The following LRRC4C variants were observed in gnomAD, a reference collection of about 807,000 sequenced individuals.
LRRC4C encodes the protein leucine rich repeat containing 4C, also known as leucine-rich repeat-containing protein 4C.
In LRRC4C, 5 loss-of-function variants were observed where a neutral mutation model predicts 33.6. The ratio of observed to expected loss-of-function variants is 0.15; its 90% CI spans 0.08 to 0.31. The LOEUF is 0.31. Among genes scored for constraint, LRRC4C ranks in the 10% least tolerant of loss-of-function variants. The pLI is 1.00. For missense variants in LRRC4C, 560 were observed against 796.7 expected (o/e 0.70, Z 3.58); for synonymous variants, 329 against 302.0 (o/e 1.09, Z -0.93).
intron 1 of LRRC4C, among the ~76,000 whole-genome samples, chr11:41,317,125 T>A (rs1950819385): frequency 6.6e-6 from 1 of 152,252 alleles, no homozygotes; most frequent in Non-Finnish European, 1.5e-5. Flanking sequence ...CACTGGTTTC[T>A]GTATTAAATT....
At chr11:41,436,913 A>G (rs1955447795) in intron 1 of LRRC4C, among the ~76,000 whole-genome samples, 1 of 152,236 alleles carries the variant, frequency 6.6e-6, no homozygotes, top group Non-Finnish European at 1.5e-5. Context: ...TATTTTTCCT[A>G]CAATGGGTTT....
chr11:41,318,427 G>T (rs768133890), intron 1 of LRRC4C, among the ~76,000 whole-genome samples: 2 of 152,128 alleles, frequency 1.3e-5, no homozygotes, highest in Non-Finnish European at 2.9e-5. Flanking sequence ...GACTTAATTA[G>T]CAGAGATTCC....
chr11:41,127,255 G>GTT (rs35456009), intron 1 of LRRC4C, among the ~76,000 whole-genome samples: 1 of 143,688 alleles, frequency 7.0e-6, no homozygotes, highest in Non-Finnish European at 1.5e-5. Context: ...AAAGACTAGA[G>GTT]TTTTTTTTTT....
At chr11:40,803,177 A>C (rs1466505951) in intron 2 of LRRC4C, among the ~76,000 whole-genome samples, 2 of 152,212 alleles carry the variant, frequency 1.3e-5, no homozygotes, top group African/African-American at 4.8e-5. Context: ...CAGGCTACAT[A>C]TATTAACATA....
chr11:40,786,778 A>C (rs1591717756), intron 2 of LRRC4C, among the ~76,000 whole-genome samples: 1 of 152,132 alleles, frequency 6.6e-6, no homozygotes, highest in Non-Finnish European at 1.5e-5. Flanking sequence ...AAATAGACAC[A>C]CGAGCCAACA....
At chr11:40,488,124 G>C (rs1448723541) in intron 3 of LRRC4C, among the ~76,000 whole-genome samples, 1 of 151,996 alleles carries the variant, frequency 6.6e-6, no homozygotes, top group African/African-American at 2.4e-5. Flanking sequence ...CATGACCAGG[G>C]AGCTGCAAGA....
chr11:41,158,561 G>C (rs1280658895), intron 1 of LRRC4C, among the ~76,000 whole-genome samples: 4 of 152,066 alleles, frequency 2.6e-5, no homozygotes, highest in Non-Finnish European at 5.9e-5. Context: ...AGGAAGAAAA[G>C]GCAACATACC....
At chr11:41,224,483 A>G (rs1269541868) in intron 1 of LRRC4C, among the ~76,000 whole-genome samples, 1 of 152,168 alleles carries the variant, frequency 6.6e-6, no homozygotes, top group Non-Finnish European at 1.5e-5. Flanking sequence ...TATAGAGAGT[A>G]TATTTATCAA....
chr11:41,178,343 C>T (rs183648361), intron 1 of LRRC4C, among the ~76,000 whole-genome samples: 3 of 152,122 alleles, frequency 2.0e-5, no homozygotes, highest in African/African-American at 7.2e-5. Context: ...GGGATTTATG[C>T]CACACTTTCT....
In LRRC4C at chr11:40,247,713, T is replaced by C. The variant is rs1213994719; in HGVS notation, c.-175-6115A>G. Among the ~76,000 whole-genome samples, 3 of 152,148 alleles carry C rather than the reference T, an allele frequency of 2.0e-5. No individual in the cohort carries two copies. In the East Asian group the frequency reaches 5.8e-4, roughly 29 times the overall value. On this transcript the variant is annotated intron_variant, in intron 4 of 6. Coordinates refer to ENST00000528697, the MANE Select transcript of LRRC4C (RefSeq NM_001258419.2). ...TTTCTGTCTCTGAGGTCTTTGAAGG[T>C]CTTGATATTCTCCGTTGTCCAGATA... is the stretch of plus-strand genomic sequence containing the variant.
intron 1 of LRRC4C, among the ~76,000 whole-genome samples, chr11:40,999,540 G>T (rs1338524674): frequency 1.3e-5 from 2 of 151,996 alleles, no homozygotes; most frequent in Non-Finnish European, 2.9e-5. Context: ...TAAAACATGG[G>T]CTCTGATTCA....
chr11:41,359,338 A>G (rs1952268176), intron 1 of LRRC4C, among the ~76,000 whole-genome samples: 1 of 152,096 alleles, frequency 6.6e-6, no homozygotes, highest in Non-Finnish European at 1.5e-5. Flanking sequence ...AATATAAACT[A>G]TGCGCTTTAG....
At chr11:41,379,894 T>C (rs888342473) in intron 1 of LRRC4C, among the ~76,000 whole-genome samples, 2 of 152,108 alleles carry the variant, frequency 1.3e-5, no homozygotes, top group East Asian at 3.9e-4. Flanking sequence ...TGGGTTTCCT[T>C]ACTTCCAACA....
chr11:41,146,868 A>T (rs913796189), intron 1 of LRRC4C, among the ~76,000 whole-genome samples: 13 of 152,184 alleles, frequency 8.5e-5, no homozygotes, highest in African/African-American at 1.7e-4. Context: ...CCAAAAGACA[A>T]CTCCACTGAA....
chr11:40,809,287 A>G (rs923313942), intron 2 of LRRC4C, among the ~76,000 whole-genome samples: 1 of 152,224 alleles, frequency 6.6e-6, no homozygotes, highest in Non-Finnish European at 1.5e-5. Flanking sequence ...AGAGATAAGC[A>G]TCTGACACGT....
At chr11:40,656,105 C>G (rs1439775849) in intron 2 of LRRC4C, among the ~76,000 whole-genome samples, 2 of 152,064 alleles carry the variant, frequency 1.3e-5, no homozygotes, top group South Asian at 4.1e-4. Context: ...GGACACAGAG[C>G]CAAACCATAT....
At chr11:40,350,722 G>T (rs1947345064) in intron 3 of LRRC4C, among the ~76,000 whole-genome samples, 1 of 152,060 alleles carries the variant, frequency 6.6e-6, no homozygotes, top group African/African-American at 2.4e-5. Context: ...CTCAATCCAT[G>T]AACATGAAAT....
chr11:40,576,705 T>C (rs534090466), intron 3 of LRRC4C, among the ~76,000 whole-genome samples: 76 of 152,332 alleles, frequency 5.0e-4, no homozygotes, highest in Admixed American at 1.4e-3. Context: ...AGTTTTCTAA[T>C]TGTGGTTGGC....
intron 1 of LRRC4C, among the ~76,000 whole-genome samples, chr11:41,024,537 G>A (rs1341265492): frequency 6.6e-6 from 1 of 151,600 alleles, no homozygotes; most frequent in East Asian, 1.9e-4. Flanking sequence ...ACATCATTGA[G>A]GTAACTGAGG....
Sources: gnomAD v4.1 joint callset for allele counts (sites outside exome capture counted in the v4.1 genomes callset) on GRCh38, gnomAD v4.1.1 for gene constraint, MANE v1.5 for transcripts, NCBI Gene and HGNC (gene_info 2026-07-23, HGNC 2026-07-21) for gene names.